GLMN: variants seen among roughly 807,000 people sequenced by gnomAD.
The protein encoded by GLMN is glomulin.
A neutral mutation model predicts 87.8 loss-of-function variants in GLMN; 75 were observed. The observed-to-expected ratio is 0.85, with a 90% CI of 0.71 to 1.04. The LOEUF (loss-of-function observed/expected upper bound fraction) is 1.04. Ranked by LOEUF, GLMN falls within the 50% of genes least tolerant of loss-of-function variation. The probability of loss-of-function intolerance (pLI) is 0.00; values close to 1 mark genes in which losing one functional copy is unlikely to be tolerated. For missense variants in GLMN, 588 were observed against 658.8 expected, an observed-to-expected ratio of 0.89 and a Z score of 1.18; for synonymous variants, 206 against 221.6, an observed-to-expected ratio of 0.93 and a Z score of 0.63.
Position 92,263,662 on chromosome 1 carries a change from G to T in GLMN, c.1370C>A (p.Pro457Gln). The change falls in exon 15 of 19, where the codon CCA becomes CAA. Residue 457 changes from proline (P) to glutamine (Q), a missense_variant. Physicochemically the swap from Pro to Gln is moderately conservative, Grantham distance 76 (BLOSUM62 -1). Transcript: ENST00000370360. ...CAGTAAATCTGTTTCTGCACCCTCT[G>T]GGAGAAAAAGTACCAAATCAAGAAG... Reference protein sequence around the residue: ...ISLLDLVLFLPEGAETDLLQN... With the variant: ...ISLLDLVLFLQEGAETDLLQN... The T allele has an allele frequency of 6.3e-7, 1 of 1,589,906 alleles. No homozygotes were observed.
At chr1:92,281,272 A>G (rs947606544) in intron 7 of GLMN, among the ~76,000 whole-genome samples, 1 of 152,224 alleles carries the variant, frequency 6.6e-6, no homozygotes, top group Non-Finnish European at 1.5e-5. Context: ...CAGATCTCTC[A>G]GCAGAAACCC....
At position 92,264,612 on chromosome 1, in the gene GLMN, G is replaced by T; in HGVS notation, c.1241C>A (p.Ser414Ter). Reference sequence around the variant, plus strand: ...TTGAATAATAAAAGCCTCCACACCTGAGTGATTACTTGTATTCAATAAGCA... The same window carrying T: ...TTGAATAATAAAAGCCTCCACACCTTAGTGATTACTTGTATTCAATAAGCA... Reference protein sequence around the residue: ...FRCLLNTSNHSGVEAFIIQNI... With the variant: ...FRCLLNTSNH Residue 414 changes from serine to a stop codon, truncating the protein, a stop_gained, in exon 14 of 19, where the codon TCA becomes TAA. Transcript: ENST00000370360. LOFTEE classifies it high-confidence loss of function. 1 of 1,585,128 alleles carries T rather than the reference G, an allele frequency of 6.3e-7. No homozygotes were observed.
In GLMN at chr1:92,246,531, C is replaced by T. The variant is rs774443160; in HGVS notation, c.1784G>A (p.Ter595=). The stretch of plus-strand genomic sequence containing the variant: ...GTTTTTATTTAGGAAATGGAACTTT[C>T]ACTTTATCCCAATATTTTCTTCAGA... ...STSEENIGIK[*] Residue 595 remains the stop codon, a stop_retained_variant, in exon 19 of 19, where the codon TGA becomes TAA. Coordinates refer to ENST00000370360, the MANE Select transcript of GLMN (RefSeq NM_053274.3). 3.2e-6 allele frequency: 4 copies of T among 1,237,922 alleles called. No individual in the cohort carries two copies. In the East Asian group the frequency reaches 9.3e-5, roughly 29 times the overall value. The allele number at this position is 1,237,922 out of a possible 1,614,324, so 76.7% of individuals were successfully genotyped here. A position where few individuals can be genotyped will look rare whatever the true frequency, so the allele number is the denominator to read the frequency against.
intron 12 of GLMN, 102 bp from the exon 13 acceptor site, chr1:92,266,594 CTAAA>C (rs751344286): frequency 1.3e-5 from 14 of 1,090,122 alleles, no homozygotes; most frequent in Middle Eastern, 2.9e-4. Flanking sequence ...CTTGTACCTC[CTAAA>C]TAAAAATTTC....
the GLMN span, among the ~76,000 whole-genome samples, chr1:92,356,491 T>G: frequency 6.6e-6 from 1 of 151,766 alleles, no homozygotes; most frequent in Admixed American, 6.6e-5. Context: ...TGATCTTGGC[T>G]TACTGCAACC....
chr1:92,252,642 T>C (rs1273402756), intron 16 of GLMN, among the ~76,000 whole-genome samples: 1 of 152,182 alleles, frequency 6.6e-6, no homozygotes, highest in African/African-American at 2.4e-5. Context: ...TTTAGAAGCA[T>C]GTAGGAGTGA....
At chr1:92,347,205 T>C in the GLMN span, among the ~76,000 whole-genome samples, 1 of 152,226 alleles carries the variant, frequency 6.6e-6, no homozygotes, top group Non-Finnish European at 1.5e-5. Context: ...AACAAATCTT[T>C]TGTCATTTCT....
the GLMN span, among the ~76,000 whole-genome samples, chr1:92,367,915 A>T: frequency 6.6e-6 from 1 of 152,164 alleles, no homozygotes; most frequent in Non-Finnish European, 1.5e-5. Flanking sequence ...TCTATGAGAG[A>T]GTTATTACTT....
chr1:92,259,199 T>C (rs186651988), intron 16 of GLMN, among the ~76,000 whole-genome samples: 2 of 152,298 alleles, frequency 1.3e-5, no homozygotes, highest in African/African-American at 4.8e-5. Flanking sequence ...AACATGATTA[T>C]TGGATATGTA....
chr1:92,334,504 G>A, the GLMN span, among the ~76,000 whole-genome samples: 1 of 151,956 alleles, frequency 6.6e-6, no homozygotes, highest in Non-Finnish European at 1.5e-5. Context: ...AACAGTTAGG[G>A]GTCAAATGAC....
the GLMN span, among the ~76,000 whole-genome samples, chr1:92,313,832 TG>T: frequency 5.9e-5 from 9 of 152,238 alleles, no homozygotes; most frequent in Non-Finnish European, 1.2e-4. Flanking sequence ...TTGGATAACT[TG>T]CTGTACCTTC....
At chr1:92,329,857 G>A in the GLMN span, among the ~76,000 whole-genome samples, 1 of 152,140 alleles carries the variant, frequency 6.6e-6, no homozygotes, top group Non-Finnish European at 1.5e-5. Context: ...GTATGAATTG[G>A]TCATGGTCTC....
upstream of GLMN, chr1:92,300,321 AC>A (rs1650730787): frequency 4.6e-6 from 5 of 1,094,966 alleles, no homozygotes; most frequent in African/African-American, 4.8e-5. Flanking sequence ...AATAATGGTT[AC>A]CTTTTTTTTT....
chr1:92,295,011 T>G (rs144675966), intron 3 of GLMN, among the ~76,000 whole-genome samples: 1 of 152,366 alleles, frequency 6.6e-6, no homozygotes, highest in East Asian at 1.9e-4. Flanking sequence ...CTTATCAATA[T>G]CTAAACCTTT....
chr1:92,342,224 T>C, the GLMN span, among the ~76,000 whole-genome samples: 1 of 152,206 alleles, frequency 6.6e-6, no homozygotes, highest in Non-Finnish European at 1.5e-5. Context: ...AGACACTGTT[T>C]GTGTAAAGAC....
chr1:92,320,420 G>T, the GLMN span, among the ~76,000 whole-genome samples: 1 of 151,868 alleles, frequency 6.6e-6, no homozygotes, highest in African/African-American at 2.4e-5. Flanking sequence ...CTACAGGCGC[G>T]CACCGCCATG....
chr1:92,317,237 G>A, the GLMN span, among the ~76,000 whole-genome samples: 4 of 152,090 alleles, frequency 2.6e-5, no homozygotes, highest in Admixed American at 1.3e-4. Context: ...GGCTCGGTGC[G>A]GTGGCTCACA....
At chr1:92,261,766 G>A (rs947114610) in intron 16 of GLMN, among the ~76,000 whole-genome samples, 2 of 151,340 alleles carry the variant, frequency 1.3e-5, no homozygotes, top group African/African-American at 2.4e-5. Context: ...AAATATTTCG[G>A]AGAAAGTATG....
At chr1:92,271,695 A>G in intron 7 of GLMN, 43 bp from the exon 8 acceptor site, 1 of 1,328,810 alleles carries the variant, frequency 7.5e-7, no homozygotes, top group South Asian at 1.2e-5. Flanking sequence ...CACAGACTCT[A>G]AAATGCCCCC....
Sources: gnomAD v4.1 joint callset for allele counts (sites outside exome capture counted in the v4.1 genomes callset) on GRCh38, gnomAD v4.1.1 for gene constraint, MANE v1.5 for transcripts, NCBI Gene and HGNC (gene_info 2026-07-23, HGNC 2026-07-21) for gene names.